The following PCCA variants were observed in gnomAD, a reference collection of about 807,000 sequenced individuals.
PCCA encodes the protein propionyl-CoA carboxylase alpha chain, mitochondrial.
Under a neutral mutation model 101.3 loss-of-function variants are expected in PCCA, and 74 were observed. The ratio of observed to expected loss-of-function variants is 0.73; its 90% confidence interval spans 0.61 to 0.89. The LOEUF (loss-of-function observed/expected upper bound fraction) is 0.89. Among genes scored for constraint, PCCA ranks in the 40% least tolerant of loss-of-function variants. The pLI is 0.00. For synonymous variants in PCCA, 294 were observed against 313.6 expected (o/e 0.94, Z 0.66); for missense variants, 891 against 907.0 (o/e 0.98, Z 0.23).
intron 2 of PCCA, among the ~76,000 whole-genome samples, chr13:100,106,147 T>G (rs1341095404): frequency 2.6e-5 from 4 of 152,170 alleles, no homozygotes; most frequent in Admixed American, 6.5e-5. Flanking sequence ...TGTTTTTTTT[T>G]GCCTATGGTG....
chr13:100,246,942 T>A (rs2061466332), intron 8 of PCCA, among the ~76,000 whole-genome samples: 1 of 150,510 alleles, frequency 6.6e-6, no homozygotes, highest in African/African-American at 2.4e-5. Flanking sequence ...GGAGTCTCAC[T>A]CTGTCACCCA....
chr13:100,168,159 A>G (rs1280046458), intron 6 of PCCA, among the ~76,000 whole-genome samples: 2 of 152,192 alleles, frequency 1.3e-5, no homozygotes, highest in African/African-American at 4.8e-5. Flanking sequence ...TCAGTTCCAC[A>G]CATAACCATC....
Position 100,323,748 on chromosome 13 carries a change from T to C in PCCA, c.1430-6813T>C, listed in dbSNP as rs193172747. 1.3e-4 allele frequency among the ~76,000 whole-genome samples: 20 copies of C among 152,366 alleles called. No homozygotes were observed. The East Asian group carries it at 3.7e-3, about 28-fold the overall frequency. ...CTCATGCTCTTTGTATATTCCCATA[T>C]AACAGGATAGTAATGTTCTTTTTTG... On this transcript the variant is annotated intron_variant, in intron 16 of 23. Coordinates refer to ENST00000376285, the MANE Select transcript of PCCA (RefSeq NM_000282.4).
intron 6 of PCCA, chr13:100,161,339 T>C (rs1328679443): frequency 6.6e-6 from 1 of 152,194 alleles, no homozygotes; most frequent in Non-Finnish European, 1.5e-5. Context: ...ATTTAACAGT[T>C]CCACCCTTAA....
intron 19 of PCCA, among the ~76,000 whole-genome samples, chr13:100,422,118 CTTTTCTTTCTTT>C (rs2078853791): frequency 2.0e-5 from 1 of 51,162 alleles, no homozygotes; most frequent in Non-Finnish European, 4.1e-5. Flanking sequence ...TTCTTTCTTT[CTTTTCTTTCTTT>C]CTTTCTTTTT....
chr13:100,443,077 A>G (rs570113808), intron 20 of PCCA, among the ~76,000 whole-genome samples: 3 of 152,288 alleles, frequency 2.0e-5, no homozygotes, highest in African/African-American at 7.2e-5. Context: ...TTTTTAAATC[A>G]TTGCAGGCCT....
intron 18 of PCCA, among the ~76,000 whole-genome samples, chr13:100,359,060 A>G (rs1273418971): frequency 7.1e-6 from 1 of 141,460 alleles, no homozygotes; most frequent in African/African-American, 2.6e-5. Flanking sequence ...AGATCGTGCC[A>G]CTGCACTCCA....
chr13:100,501,545 C>G (rs2085669134), intron 21 of PCCA, among the ~76,000 whole-genome samples: 1 of 152,130 alleles, frequency 6.6e-6, no homozygotes. Context: ...GTCCTCAGAC[C>G]AGCAGCTTCA....
intron 4 of PCCA, 105 bp downstream of exon 4, chr13:100,112,166 G>T: frequency 1.8e-4 from 131 of 718,464 alleles, no homozygotes; most frequent in East Asian, 3.3e-4. Flanking sequence ...ATACATTCAA[G>T]TTTAAAAACT....
intron 21 of PCCA, among the ~76,000 whole-genome samples, chr13:100,478,640 G>A (rs1427032650): frequency 2.6e-5 from 4 of 152,102 alleles, no homozygotes; most frequent in Admixed American, 6.5e-5. Context: ...AGGAGGGCTC[G>A]CCTGCCTCTT....
At chr13:100,370,874 A>G (rs940652175) in intron 19 of PCCA, among the ~76,000 whole-genome samples, 3 of 152,164 alleles carry the variant, frequency 2.0e-5, no homozygotes, top group Non-Finnish European at 4.4e-5. Flanking sequence ...CAAGAAAAAA[A>G]TTAGCCTACA....
intron 20 of PCCA, among the ~76,000 whole-genome samples, chr13:100,428,966 C>T (rs141414981): frequency 1.5e-3 from 221 of 152,140 alleles, no homozygotes; most frequent in African/African-American, 4.9e-3. Flanking sequence ...TTGTAGCTTA[C>T]GAGGTTTTTT....
intron 6 of PCCA, among the ~76,000 whole-genome samples, chr13:100,158,655 G>GTA (rs1359093656): frequency 1.3e-5 from 2 of 152,218 alleles, no homozygotes; most frequent in East Asian, 1.9e-4. Flanking sequence ...GTGTATGTGT[G>GTA]TATATATATA....
intron 22 of PCCA, among the ~76,000 whole-genome samples, chr13:100,526,501 C>T (rs570406927): frequency 5.3e-5 from 8 of 152,332 alleles, no homozygotes; most frequent in South Asian, 4.1e-4. Context: ...AGACAGCTTG[C>T]GCCACACGGG....
At chr13:100,487,273 G>C (rs1170605418) in intron 21 of PCCA, among the ~76,000 whole-genome samples, 1 of 152,192 alleles carries the variant, frequency 6.6e-6, no homozygotes, top group Non-Finnish European at 1.5e-5. Context: ...GGTGCTTGAA[G>C]GGGGGAACCC....
At chr13:100,514,979 C>T (rs2086724930) in intron 21 of PCCA, among the ~76,000 whole-genome samples, 1 of 152,200 alleles carries the variant, frequency 6.6e-6, no homozygotes, top group Non-Finnish European at 1.5e-5. Context: ...TGCAGCCGCT[C>T]TTGGAGGGCT....
intron 19 of PCCA, among the ~76,000 whole-genome samples, chr13:100,395,238 T>C (rs1207538592): frequency 3.3e-5 from 5 of 152,198 alleles, no homozygotes; most frequent in East Asian, 1.9e-4. Flanking sequence ...ACAAATTATT[T>C]TGGTGTCTTG....
intron 20 of PCCA, among the ~76,000 whole-genome samples, chr13:100,436,113 G>A (rs1395212710): frequency 6.6e-6 from 1 of 152,060 alleles, no homozygotes; most frequent in Non-Finnish European, 1.5e-5. Context: ...GCGAGCCTGA[G>A]CAGTGGCTCA....
chr13:100,209,591 C>G lies in PCCA; in HGVS notation c.600+128C>G, dbSNP rs982933269. The G allele has an allele frequency of 5.6e-6, 4 of 719,484 alleles. No homozygotes were observed. In the East Asian group the frequency reaches 1.1e-4, roughly 19 times the overall value. The allele number at this position is 719,484 out of a possible 1,614,324, so 44.6% of individuals were successfully genotyped here. On this transcript the variant is annotated intron_variant, in intron 7 of 23. Coordinates refer to ENST00000376285, the MANE Select transcript of PCCA (RefSeq NM_000282.4). ...ACACACACACATATGCACGCACATA[C>G]ATACATGTATATATGTTTAAAAAAT... is the stretch of plus-strand genomic sequence containing the variant.
Sources: gnomAD v4.1 joint callset for allele counts (sites outside exome capture counted in the v4.1 genomes callset) on GRCh38, gnomAD v4.1.1 for gene constraint, MANE v1.5 for transcripts, NCBI Gene and HGNC (gene_info 2026-07-23, HGNC 2026-07-21) for gene names.